The following ZNF518B variants were observed in gnomAD, a reference collection of about 807,000 sequenced individuals.
ZNF518B encodes zinc finger protein 518B.
Under a neutral mutation model 56.3 loss-of-function variants are expected in ZNF518B, and 23 were observed. The observed-to-expected ratio is 0.41, with a 90% CI of 0.29 to 0.58. The LOEUF is 0.58. ZNF518B is among the 20% of genes least tolerant of loss of function. ZNF518B has a pLI of 0.32. For synonymous variants in ZNF518B, 529 were observed against 465.9 expected (o/e 1.14, Z -1.74); for missense variants, 1,460 against 1,272.1 (o/e 1.15, Z -2.25).
At position 10,444,034 on chromosome 4, in the gene ZNF518B, A is replaced by G; in HGVS notation, c.2295T>C (p.His765=). The change falls in exon 3 of 3, where the codon CAT becomes CAC. Residue 765 remains histidine (H), a synonymous_variant. Coordinates refer to ENST00000326756, the MANE Select transcript of ZNF518B (RefSeq NM_053042.3). ...TGGGGATTAACACTGGCGTGGCAAC[A>G]TGAGCCTTCCTGGCCACTCTGCTTT... ...KTKSRVARKA[H]VATPVLIPKG... The G allele has an allele frequency of 1.2e-6, 2 of 1,614,242 alleles. No individual in the cohort carries two copies. Among genetic ancestry groups the G allele is most frequent in the Non-Finnish European group, 1.7e-6 (2 of 1,180,040 alleles).
rs762803120 is a variant in ZNF518B at position 10,443,120 on chromosome 4, G to A, written c.3209C>T (p.Ser1070Phe). The A allele has an allele frequency of 1.9e-6, 3 of 1,612,008 alleles. No individual in the cohort carries two copies. Among genetic ancestry groups the A allele is most frequent in the East Asian group, 2.2e-5 (1 of 44,852 alleles). Residue 1070 changes from serine (S) to phenylalanine (F), a missense_variant, in exon 3 of 3, where the codon TCC (serine) becomes TTC (phenylalanine). Transcript: ENST00000326756. ...ACTGTTTACTTATTTGCCCTTGGAG[G>A]AAAGAACATCCCAATCTCTAGTTGC... is the stretch of plus-strand genomic sequence containing the variant. Reference protein sequence around the residue: ...IEATRDWDVLSSKGK With the variant: ...IEATRDWDVLFSKGK
rs2108979584 is a variant in ZNF518B, at chr4:10,440,904, CCTCT to C, written c.*2196_*2199del. 6.5e-6 allele frequency: 1 copy of C among 152,680 alleles called. No individual in the cohort carries two copies. The highest frequency in any genetic ancestry group is 2.1e-4 in the South Asian group (1 of 4,822). The allele number at this position is 152,680 out of a possible 1,614,324, so 9.5% of individuals were successfully genotyped here. A position where few individuals can be genotyped will look rare whatever the true frequency, so the allele number is the denominator to read the frequency against. Reference sequence around the variant, plus strand: ...ACCACAGCCTTTTCTTCACTCCTCTCCTCTCTATATCTTGGGAGCTATTTTTCAT... The same window carrying C: ...ACCACAGCCTTTTCTTCACTCCTCTCCTATATCTTGGGAGCTATTTTTCAT... On this transcript the variant is annotated 3_prime_UTR_variant, in exon 3 of 3. Coordinates refer to ENST00000326756, the MANE Select transcript of ZNF518B (RefSeq NM_053042.3).
Position 10,445,403 on chromosome 4 carries a change from T to C in ZNF518B, c.926A>G (p.Lys309Arg). The change falls in exon 3 of 3, where the codon AAA becomes AGA. Residue 309 changes from lysine to arginine, a missense_variant. Transcript: ENST00000326756. ...GGATAACACTTCTACTTCAACATTT[T>C]TGTTCTCAAATAGGTTGACTTCATT... ...EPNEVNLFEN[K>R]NVEVEVLSPA... The C allele has an allele frequency of 3.1e-6, 5 of 1,614,238 alleles. No homozygotes were observed. In the South Asian group the frequency reaches 5.5e-5, roughly 18 times the overall value.
intron 2 of ZNF518B, among the ~76,000 whole-genome samples, chr4:10,448,722 T>C (rs1577224650): frequency 6.6e-6 from 1 of 152,178 alleles, no homozygotes; most frequent in Admixed American, 6.5e-5. Flanking sequence ...GGGACCATGA[T>C]TTTGCACAGG....
upstream of ZNF518B, among the ~76,000 whole-genome samples, chr4:10,457,646 G>T (rs184761427): frequency 1.3e-5 from 2 of 152,260 alleles, no homozygotes; most frequent in Non-Finnish European, 2.9e-5. Flanking sequence ...GCAGGCAAAA[G>T]AAGGATTCGG....
chr4:10,449,488 A>G (rs1715208757), intron 2 of ZNF518B, among the ~76,000 whole-genome samples: 1 of 152,238 alleles, frequency 6.6e-6, no homozygotes, highest in Admixed American at 6.5e-5. Context: ...ATATTCACAT[A>G]GTTCTCATTA....
chr4:10,446,135 C>G lies in ZNF518B; in HGVS notation c.194G>C (p.Ser65Thr). The G allele has an allele frequency of 2.5e-6, 4 of 1,614,228 alleles. No individual in the cohort carries two copies. The South Asian group carries it at 4.4e-5, about 18-fold the overall frequency. The change falls in exon 3 of 3, where the codon AGT becomes ACT. Residue 65 changes from serine (S) to threonine (T), a missense_variant. Physicochemically the swap from Ser to Thr is moderately conservative, Grantham distance 58. Coordinates refer to ENST00000326756, the MANE Select transcript of ZNF518B (RefSeq NM_053042.3). ...MTIATCAKCKSVHKISLQDLQ... is the reference protein window; with the variant it reads ...MTIATCAKCKTVHKISLQDLQ... Reference sequence around the variant, plus strand: ...ATCTTGAAGAGAGATCTTGTGAACACTTTTGCACTTTGCACATGTAGCAAT... The same window carrying G: ...ATCTTGAAGAGAGATCTTGTGAACAGTTTTGCACTTTGCACATGTAGCAAT...
chr4:10,449,281 G>T (rs1213847254), intron 2 of ZNF518B, among the ~76,000 whole-genome samples: 1 of 152,214 alleles, frequency 6.6e-6, no homozygotes, highest in South Asian at 2.1e-4. Flanking sequence ...TCTCAGGAGA[G>T]AAGAAAGGAA....
rs1054938506 is a variant in ZNF518B at position 10,446,544 on chromosome 4, A to G, written c.-211-5T>C. On this transcript the variant is annotated splice_region_variant and splice_polypyrimidine_tract_variant and intron_variant, in intron 2 of 2. Transcript: ENST00000326756. ...TCTCTGACATTCCAGGTAACACTAA[A>G]GGAAAACAAAATTATAAAGCATGAT... 3.8e-5 allele frequency: 19 copies of G among 499,678 alleles called. No homozygotes were observed. Among genetic ancestry groups the G allele is most frequent in the Non-Finnish European group, 5.5e-5 (15 of 275,152 alleles). The allele number at this position is 499,678 out of a possible 1,614,324, so 31.0% of individuals were successfully genotyped here.
Position 10,445,924 on chromosome 4 carries a change from G to C in ZNF518B, c.405C>G (p.Tyr135Ter). The change falls in exon 3 of 3, where the codon TAC becomes TAG. Residue 135 changes from tyrosine (Y) to a stop codon, truncating the protein, a stop_gained. Transcript: ENST00000326756. LOFTEE classifies it low-confidence loss of function (END_TRUNC). ...TAGAGAATCGACATTTATCACAATA[G>C]TATTTGCCTGGCTTAAAGTTCCTTA... is the stretch of plus-strand genomic sequence containing the variant. Reference protein sequence around the residue: ...FKVRNFKPGKYYCDKCRFSTK... With the variant: ...FKVRNFKPGK 1 of 1,614,226 alleles carries C rather than the reference G, an allele frequency of 6.2e-7. No individual in the cohort carries two copies. Among genetic ancestry groups the C allele is most frequent in the Non-Finnish European group, 8.5e-7 (1 of 1,180,042 alleles).
In ZNF518B at chr4:10,446,232, G is replaced by A. The variant is rs1485509803; in HGVS notation, c.97C>T (p.Pro33Ser). 1.2e-6 allele frequency: 2 copies of A among 1,614,070 alleles called. No homozygotes were observed. Among genetic ancestry groups the A allele is most frequent in the Admixed American group, 1.7e-5 (1 of 60,006 alleles). Residue 33 changes from proline to serine, a missense_variant, in exon 3 of 3, where the codon CCT (proline) becomes TCT (serine). Coordinates refer to ENST00000326756, the MANE Select transcript of ZNF518B (RefSeq NM_053042.3). ...TGTGCTTCTTGTCTATTTGGCCGAG[G>A]TGCTCCATTAGCATCAGGCTGTTTG... The part of the protein sequence containing the change: ...SPKQPDANGA[P>S]RPNRQEAQTL...
Position 10,441,040 on chromosome 4 carries a change from T to C in ZNF518B, c.*2064A>G, listed in dbSNP as rs1280624042. 1 of 152,558 alleles carries C rather than the reference T, an allele frequency of 6.6e-6. No individual in the cohort carries two copies. The highest frequency in any genetic ancestry group is 2.4e-5 in the African/African-American group (1 of 41,426). The allele number at this position is 152,558 out of a possible 1,614,324, so 9.5% of individuals were successfully genotyped here. A position where few individuals can be genotyped will look rare whatever the true frequency, so the allele number is the denominator to read the frequency against. ...AAAGCACCAAATAAAAATGCAGTAA[T>C]AAAATGATCCAAAGGGGTTTCTACT... On this transcript the variant is annotated 3_prime_UTR_variant, in exon 3 of 3. Coordinates refer to ENST00000326756, the MANE Select transcript of ZNF518B (RefSeq NM_053042.3).
Position 10,457,324 on chromosome 4 carries a change from G to A in ZNF518B, c.-403C>T, listed in dbSNP as rs1387350474. ...TCCCGCTCAGCTACTTACCCGGCAG[G>A]CCGGATTCGGGTGCCAGGTCCCGGC... is the stretch of plus-strand genomic sequence containing the variant. On this transcript the variant is annotated 5_prime_UTR_variant, in exon 1 of 3. Coordinates refer to ENST00000326756, the MANE Select transcript of ZNF518B (RefSeq NM_053042.3). 1 of 151,882 alleles carries A rather than the reference G, an allele frequency of 6.6e-6. No homozygotes were observed. The highest frequency in any genetic ancestry group is 1.5e-5 in the Non-Finnish European group (1 of 67,980). The allele number at this position is 151,882 out of a possible 1,614,324, so 9.4% of individuals were successfully genotyped here.
At chr4:10,455,904 T>C (rs967117765) in intron 1 of ZNF518B, among the ~76,000 whole-genome samples, 4 of 152,244 alleles carry the variant, frequency 2.6e-5, no homozygotes, top group Non-Finnish European at 4.4e-5. Flanking sequence ...GAGACAACAG[T>C]ATATAACATT....
chr4:10,450,486 C>T (rs933769009), intron 2 of ZNF518B, among the ~76,000 whole-genome samples: 1 of 152,164 alleles, frequency 6.6e-6, no homozygotes, highest in African/African-American at 2.4e-5. Context: ...TGGACACAGC[C>T]ACATGGAAGA....
Position 10,446,120 on chromosome 4 carries a change from G to C in ZNF518B, c.209C>G (p.Ser70Cys), listed in dbSNP as rs1377478269. 2 of 1,614,080 alleles carry C rather than the reference G, an allele frequency of 1.2e-6. No individual in the cohort carries two copies. The highest frequency in any genetic ancestry group is 2.7e-5 in the African/African-American group (2 of 74,928). ...CAKCKSVHKI[S>C]LQDLQKGTGK... ...TGTACCCTTCTGCAAATCTTGAAGA[G>C]AGATCTTGTGAACACTTTTGCACTT... Residue 70 changes from serine (S) to cysteine (C), a missense_variant, in exon 3 of 3, where the codon TCT becomes TGT. By Grantham distance (112) the Ser-to-Cys change is moderately radical. Transcript: ENST00000326756.
intron 2 of ZNF518B, among the ~76,000 whole-genome samples, chr4:10,447,728 C>A (rs1008093121): frequency 6.7e-6 from 1 of 148,854 alleles, no homozygotes; most frequent in Non-Finnish European, 1.5e-5. Flanking sequence ...TGGCTCACTG[C>A]AACCTCTGCC....
Position 10,443,025 on chromosome 4 carries a change from T to C in ZNF518B, c.*79A>G, listed in dbSNP as rs1714751574. 1 of 1,270,960 alleles carries C rather than the reference T, an allele frequency of 7.9e-7. No homozygotes were observed. The highest frequency in any genetic ancestry group is 1.5e-5 in the African/African-American group (1 of 66,888). The allele number at this position is 1,270,960 out of a possible 1,614,324, so 78.7% of individuals were successfully genotyped here. On this transcript the variant is annotated 3_prime_UTR_variant, in exon 3 of 3. Transcript: ENST00000326756. The stretch of plus-strand genomic sequence containing the variant: ...TCCTCTCATTTCTACAGTCTGTATT[T>C]CTTCTACTGAATCTTGGTGGAGGGA...
At chr4:10,460,834 G>C (rs1416308686), upstream of ZNF518B, among the ~76,000 whole-genome samples, 1 of 152,170 alleles carries the variant, frequency 6.6e-6, no homozygotes, top group Non-Finnish European at 1.5e-5. Flanking sequence ...CATTGGAAAA[G>C]GGCCAGGTCT....
Sources: allele counts gnomAD v4.1 joint callset (sites outside exome capture counted in the v4.1 genomes callset), GRCh38; gene constraint gnomAD v4.1.1; transcripts MANE v1.5; gene names NCBI Gene and HGNC (gene_info 2026-07-23, HGNC 2026-07-21).